The following THSD7A variants were observed in gnomAD, a reference collection of about 807,000 sequenced individuals.
The protein encoded by THSD7A is thrombospondin type-1 domain-containing protein 7A.
THSD7A carries 96 observed loss-of-function variants against 231.3 expected under a neutral mutation model. The ratio of observed to expected loss-of-function variants is 0.41; its 90% CI spans 0.35 to 0.49. The LOEUF (loss-of-function observed/expected upper bound fraction) is 0.49. Among genes scored for constraint, THSD7A ranks in the 20% least tolerant of loss-of-function variants. The pLI, the probability that THSD7A is intolerant of heterozygous loss-of-function variation, is 0.05. For synonymous variants in THSD7A, 940 were observed against 743.3 expected, an observed-to-expected ratio of 1.26 and a Z score of -4.30; for missense variants, 2,290 against 2,070.2, an observed-to-expected ratio of 1.11 and a Z score of -2.06.
At chr7:11,768,393 A>G (rs138570654) in intron 1 of THSD7A, among the ~76,000 whole-genome samples, 172 of 152,332 alleles carry the variant, frequency 1.1e-3, no homozygotes, top group South Asian at 0.011. Flanking sequence ...TAGGATATAT[A>G]TAACAATTGG....
chr7:11,639,407 T>C (rs963497318), intron 1 of THSD7A, among the ~76,000 whole-genome samples: 23 of 152,238 alleles, frequency 1.5e-4, no homozygotes, highest in South Asian at 4.1e-4. Context: ...CTGTGGCTCA[T>C]GCCTGTAATC....
chr7:11,703,910 G>T (rs560863064), intron 1 of THSD7A, among the ~76,000 whole-genome samples: 3 of 151,194 alleles, frequency 2.0e-5, no homozygotes, highest in Non-Finnish European at 3.0e-5. Context: ...GAAGGAAAAA[G>T]AATTTCTCAC....
At chr7:11,562,353 A>T (rs1275722266) in intron 4 of THSD7A, among the ~76,000 whole-genome samples, 1 of 152,170 alleles carries the variant, frequency 6.6e-6, no homozygotes, top group Non-Finnish European at 1.5e-5. Context: ...AATGATATAC[A>T]TTTTCTGTAT....
intron 1 of THSD7A, among the ~76,000 whole-genome samples, chr7:11,744,237 A>G (rs1583248588): frequency 6.6e-6 from 1 of 151,850 alleles, no homozygotes; most frequent in East Asian, 1.9e-4. Flanking sequence ...TTGTTGGATT[A>G]AAATCAAACC....
rs140633457 is a variant in THSD7A at position 11,790,820 on chromosome 7, G to A, written c.190+40937C>T. On this transcript the variant is annotated intron_variant, in intron 1 of 27. Transcript: ENST00000423059. ...TGGCAGACAATTCTGATAAGATAGT[G>A]AGGCAACAGGTTATTTTTCTTAATT... Among the ~76,000 whole-genome samples the A allele has an allele frequency of 6.1e-3, 921 of 152,034 alleles. 3 individuals carry two copies. Among genetic ancestry groups the A allele is most frequent in the Non-Finnish European group, 8.8e-3 (600 of 67,892 alleles).
At chr7:11,591,925 C>G (rs1780180114) in intron 3 of THSD7A, among the ~76,000 whole-genome samples, 1 of 152,278 alleles carries the variant, frequency 6.6e-6, no homozygotes, top group South Asian at 2.1e-4. Flanking sequence ...AGATTGGTTA[C>G]ACATTCTATG....
At position 11,428,980 on chromosome 7, in the gene THSD7A, T is replaced by G. The variant is rs1302838052; in HGVS notation, c.3210A>C (p.Gly1070=). ...CATGGTCCAGTTTGGGGCAAGGCCT[T>G]CCTCCATTATATGGTTTTTCACGCA... is the stretch of plus-strand genomic sequence containing the variant. ...KWLREKPYNG[G]RPCPKLDHVN... Residue 1070 remains glycine, a synonymous_variant, in exon 14 of 28, where the codon GGA becomes GGC. Transcript: ENST00000423059. 6.2e-7 allele frequency: 1 copy of G among 1,611,942 alleles called. No homozygotes were observed. Among genetic ancestry groups the G allele is most frequent in the South Asian group, 1.1e-5 (1 of 90,684 alleles).
At chr7:11,671,606 T>C (rs1361572387) in intron 1 of THSD7A, among the ~76,000 whole-genome samples, 3 of 152,188 alleles carry the variant, frequency 2.0e-5, no homozygotes, top group Non-Finnish European at 4.4e-5. Flanking sequence ...TTGTTGTTGT[T>C]TTTGTTTTCT....
At chr7:11,828,886 A>G (rs1423015114) in intron 1 of THSD7A, among the ~76,000 whole-genome samples, 1 of 151,988 alleles carries the variant, frequency 6.6e-6, no homozygotes, top group Non-Finnish European at 1.5e-5. Context: ...CACCTCTGCC[A>G]CTGCTCAAAC....
chr7:11,709,526 C>G (rs1013903671), intron 1 of THSD7A, among the ~76,000 whole-genome samples: 2 of 150,722 alleles, frequency 1.3e-5, no homozygotes, highest in Non-Finnish European at 3.0e-5. Flanking sequence ...TGGAAGGAAC[C>G]AGGAATCCCT....
intron 1 of THSD7A, among the ~76,000 whole-genome samples, chr7:11,813,134 A>G (rs1784579586): frequency 6.6e-6 from 1 of 152,208 alleles, no homozygotes; most frequent in Admixed American, 6.5e-5. Context: ...AATACAAGTG[A>G]TAAGTCATGA....
Position 11,371,371 on chromosome 7 carries a change from A to G in THSD7A, c.*4423T>C, listed in dbSNP as rs1782045896. The G allele has an allele frequency of 6.6e-6, 1 of 152,232 alleles. No individual in the cohort carries two copies. Among genetic ancestry groups the G allele is most frequent in the Non-Finnish European group, 1.5e-5 (1 of 68,056 alleles). 9.4% of individuals were successfully genotyped at this position (152,232 alleles called of 1,614,324 possible). The stretch of plus-strand genomic sequence containing the variant: ...AGACCCTTATTCCCAGAACAAGCAG[A>G]TGTAGTTCTCACAACTAAACTAGTC... On this transcript the variant is annotated 3_prime_UTR_variant, in exon 28 of 28. Transcript: ENST00000423059.
At position 11,541,640 on chromosome 7, in the gene THSD7A, T is replaced by C; in HGVS notation, c.1610-9A>G. 1 of 1,611,758 alleles carries C rather than the reference T, an allele frequency of 6.2e-7. No individual in the cohort carries two copies. On this transcript the variant is annotated splice_polypyrimidine_tract_variant and intron_variant, in intron 5 of 27. Coordinates refer to ENST00000423059, the MANE Select transcript of THSD7A (RefSeq NM_015204.3). ...CTTCCTCAGTTTGAAGCCTGAATTA[T>C]GGGGGAAGGAAAAATCTATTGTTAC...
intron 1 of THSD7A, chr7:11,820,472 G>T: frequency 8.7e-7 from 1 of 1,144,926 alleles, no homozygotes; most frequent in Non-Finnish European, 1.2e-6. Flanking sequence ...TGACCCGGAG[G>T]TCATCATGCA....
chr7:11,536,160 T>C (rs1788907166), intron 6 of THSD7A, among the ~76,000 whole-genome samples: 1 of 152,222 alleles, frequency 6.6e-6, no homozygotes, highest in Admixed American at 6.5e-5. Flanking sequence ...TAGAATTATT[T>C]CAATTTCATT....
chr7:11,764,340 G>A (rs1782961070), intron 1 of THSD7A, among the ~76,000 whole-genome samples: 1 of 152,178 alleles, frequency 6.6e-6, no homozygotes, highest in South Asian at 2.1e-4. Context: ...CCAGCACTTT[G>A]GGAGGCCGAG....
intron 1 of THSD7A, among the ~76,000 whole-genome samples, chr7:11,769,153 A>ATATATATATATTTTT: frequency 1.4e-4 from 4 of 27,660 alleles, no homozygotes; most frequent in Non-Finnish European, 1.4e-4. Context: ...ATATATATAT[A>ATATATATATATTTTT]TTTTTTTTTT....
intron 6 of THSD7A, among the ~76,000 whole-genome samples, chr7:11,501,079 G>A (rs1218409130): frequency 6.6e-6 from 1 of 151,300 alleles, no homozygotes; most frequent in Non-Finnish European, 1.5e-5. Context: ...AGAAGACTTA[G>A]CTATCCTAAA....
chr7:11,394,183 A>G (rs1467781922), intron 23 of THSD7A, among the ~76,000 whole-genome samples: 1 of 152,228 alleles, frequency 6.6e-6, no homozygotes, highest in Non-Finnish European at 1.5e-5. Context: ...CAGAAATCCT[A>G]CGAGCCAGAA....
Sources: allele counts gnomAD v4.1 joint callset (sites outside exome capture counted in the v4.1 genomes callset), GRCh38; gene constraint gnomAD v4.1.1; transcripts MANE v1.5; gene names NCBI Gene and HGNC (gene_info 2026-07-23, HGNC 2026-07-21).